Variants in CYP3A7 observed in about 807,000 individuals in gnomAD.
The protein encoded by CYP3A7 is cytochrome P450 3A7.
A neutral mutation model predicts 55.2 loss-of-function variants in CYP3A7; 45 were observed. The ratio of observed to expected loss-of-function variants is 0.82; its 90% CI spans 0.64 to 1.05. CYP3A7 has a LOEUF of 1.05. Ranked by LOEUF, CYP3A7 falls within the 50% of genes least tolerant of loss-of-function variation. The pLI, the probability that CYP3A7 is intolerant of heterozygous loss-of-function variation, is 0.00. For missense variants in CYP3A7, 548 were observed against 605.3 expected, an observed-to-expected ratio of 0.91 and a Z score of 0.99; for synonymous variants, 180 against 207.4, an observed-to-expected ratio of 0.87 and a Z score of 1.13.
At chr7:99,726,813 C>T (rs1363067528) in intron 2 of CYP3A7, among the ~76,000 whole-genome samples, 5 of 152,178 alleles carry the variant, frequency 3.3e-5, no homozygotes, top group Non-Finnish European at 5.9e-5. Flanking sequence ...CAAAGGATAT[C>T]GGGTATCCCC....
intron 1 of CYP3A7, among the ~76,000 whole-genome samples, chr7:99,732,376 T>C (rs960998607): frequency 9.2e-5 from 14 of 152,122 alleles, no homozygotes; most frequent in Non-Finnish European, 1.8e-4. Flanking sequence ...CCTTTCTAAA[T>C]TACCCACCCT....
At chr7:99,708,714 A>G (rs1001803465) in intron 11 of CYP3A7, among the ~76,000 whole-genome samples, 1 of 152,146 alleles carries the variant, frequency 6.6e-6, no homozygotes, top group African/African-American at 2.4e-5. Flanking sequence ...TCAGGAAAAA[A>G]TATTCATTTG....
At chr7:99,712,583 T>C (rs915963684) in intron 9 of CYP3A7, among the ~76,000 whole-genome samples, 5 of 152,184 alleles carry the variant, frequency 3.3e-5, no homozygotes, top group Non-Finnish European at 5.9e-5. Context: ...GCAAGTTGTA[T>C]TGGGATAGAT....
chr7:99,723,319 G>A (rs1180483680), intron 2 of CYP3A7, among the ~76,000 whole-genome samples: 2 of 152,106 alleles, frequency 1.3e-5, no homozygotes, highest in African/African-American at 4.8e-5. Context: ...GATCGACCTC[G>A]TGACATTCTT....
chr7:99,721,678 A>G (rs1443501816), intron 3 of CYP3A7, among the ~76,000 whole-genome samples: 4 of 152,218 alleles, frequency 2.6e-5, no homozygotes, highest in Non-Finnish European at 4.4e-5. Flanking sequence ...CCTTGGTAGG[A>G]CAAATCTCAA....
In CYP3A7 at chr7:99,714,631, AAC is replaced by A. The variant is rs770823349; in HGVS notation, c.720_721del (p.Phe241SerfsTer36). 6.2e-7 allele frequency: 1 copy of A among 1,613,364 alleles called. No individual in the cohort carries two copies. The stretch of plus-strand genomic sequence containing the variant: ...TAGAAAACTTATAACTTTTCTTGGA[AAC>A]ACAGTGATATTTAATGCTTCAAGAA... On this transcript the variant is annotated frameshift_variant, in exon 8 of 13. Coordinates refer to ENST00000336374, the MANE Select transcript of CYP3A7 (RefSeq NM_000765.5). LOFTEE classifies it high-confidence loss of function.
At chr7:99,720,758 T>C in intron 3 of CYP3A7, 2 of 241,496 alleles carry the variant, frequency 8.3e-6, no homozygotes, top group Non-Finnish European at 1.7e-5. Context: ...CAATGTTTCA[T>C]AGGTTTAAAA....
chr7:99,708,964 T>G, intron 11 of CYP3A7, 71 bp downstream of exon 11: 1 of 1,530,498 alleles, frequency 6.5e-7, no homozygotes, highest in East Asian at 2.3e-5. Context: ...GCCCAGACTG[T>G]CCTGTAGAGA....
chr7:99,728,496 T>G (rs1202692809), intron 2 of CYP3A7, among the ~76,000 whole-genome samples: 2 of 152,226 alleles, frequency 1.3e-5, no homozygotes, highest in African/African-American at 4.8e-5. Flanking sequence ...CCTAAGAGTC[T>G]GGGTGCAAGA....
At chr7:99,705,651 T>A in intron 12 of CYP3A7, 56 bp from the exon 13 acceptor site, 1 of 1,598,758 alleles carries the variant, frequency 6.3e-7, no homozygotes, top group Admixed American at 1.7e-5. Flanking sequence ...AAGTAGAAAG[T>A]ATAGCATCAA....
At chr7:99,716,722 T>C (rs1813962729) in intron 6 of CYP3A7, among the ~76,000 whole-genome samples, 1 of 152,120 alleles carries the variant, frequency 6.6e-6, no homozygotes, top group African/African-American at 2.4e-5. Context: ...ATGTTTAATA[T>C]TTAGTATTCT....
chr7:99,713,431 T>A, intron 9 of CYP3A7, 38 bp downstream of exon 9: 1 of 1,611,664 alleles, frequency 6.2e-7, no homozygotes. Context: ...TCCCTCTGAG[T>A]GCCCCACCAG....
At chr7:99,706,408 G>C (rs1236147672) in intron 12 of CYP3A7, among the ~76,000 whole-genome samples, 3 of 152,142 alleles carry the variant, frequency 2.0e-5, no homozygotes, top group African/African-American at 7.2e-5. Flanking sequence ...CACACATACA[G>C]GATAGCTACA....
intron 2 of CYP3A7, among the ~76,000 whole-genome samples, chr7:99,722,733 G>T (rs1173086179): frequency 2.6e-5 from 4 of 152,190 alleles, no homozygotes; most frequent in Non-Finnish European, 5.9e-5. Flanking sequence ...AGCGCCAGAA[G>T]GGAACGTGCA....
At chr7:99,711,974 T>G (rs1813765250) in intron 9 of CYP3A7, among the ~76,000 whole-genome samples, 1 of 152,164 alleles carries the variant, frequency 6.6e-6, no homozygotes, top group African/African-American at 2.4e-5. Flanking sequence ...TATCTCAGGA[T>G]GTACAGCAAC....
At chr7:99,726,887 A>G (rs1159053118) in intron 2 of CYP3A7, among the ~76,000 whole-genome samples, 3 of 152,158 alleles carry the variant, frequency 2.0e-5, no homozygotes, top group Non-Finnish European at 2.9e-5. Context: ...ATGAAAACAC[A>G]TGGGGTCTCC....
At chr7:99,713,212 G>A (rs1015836156) in intron 9 of CYP3A7, among the ~76,000 whole-genome samples, 2 of 152,170 alleles carry the variant, frequency 1.3e-5, no homozygotes, top group Non-Finnish European at 2.9e-5. Flanking sequence ...TTGATCTTAT[G>A]TAGGTGATCC....
intron 1 of CYP3A7, among the ~76,000 whole-genome samples, chr7:99,733,527 G>A (rs369827383): frequency 2.6e-5 from 4 of 152,136 alleles, no homozygotes; most frequent in East Asian, 1.9e-4. Flanking sequence ...GGGCTGTACC[G>A]GCATCGTCTA....
At chr7:99,725,122 G>A (rs1814359310) in intron 2 of CYP3A7, among the ~76,000 whole-genome samples, 1 of 152,066 alleles carries the variant, frequency 6.6e-6, no homozygotes, top group Non-Finnish European at 1.5e-5. Context: ...CAGCATACAA[G>A]GCTGTTAATT....
Sources: gnomAD v4.1 joint callset for allele counts (sites outside exome capture counted in the v4.1 genomes callset) on GRCh38, gnomAD v4.1.1 for gene constraint, MANE v1.5 for transcripts, NCBI Gene and HGNC (gene_info 2026-07-23, HGNC 2026-07-21) for gene names.